The following ATP7B variants were observed in gnomAD, a reference collection of about 807,000 sequenced individuals.
ATP7B encodes the protein ATPase copper transporting beta.
ATP7B carries 113 observed loss-of-function variants against 118.9 expected under a neutral mutation model. The ratio of observed to expected loss-of-function variants is 0.95; its 90% CI spans 0.82 to 1.11. The LOEUF is 1.11. Among genes scored for constraint, ATP7B ranks in the 50% most tolerant of loss-of-function variants. The pLI, the probability that ATP7B is intolerant of heterozygous loss-of-function variation, is 0.00. For synonymous variants in ATP7B, 777 were observed against 727.4 expected, an observed-to-expected ratio of 1.07 and a Z score of -1.10; for missense variants, 1,867 against 1,871.4, an observed-to-expected ratio of 1.00 and a Z score of 0.04.
intron 4 of ATP7B, chr13:51,966,843 A>T: frequency 6.2e-7 from 1 of 1,613,316 alleles, no homozygotes; most frequent in South Asian, 1.1e-5. Context: ...CTTTGCAAAA[A>T]ATGGGCGCAA....
chr13:51,953,170 T>C (rs577576773), intron 9 of ATP7B, among the ~76,000 whole-genome samples: 1 of 152,206 alleles, frequency 6.6e-6, no homozygotes, highest in Non-Finnish European at 1.5e-5. Flanking sequence ...TATTCTCTGC[T>C]TAATTTTAAA....
chr13:51,943,302 A>G (rs541383271), intron 14 of ATP7B, among the ~76,000 whole-genome samples: 5 of 152,236 alleles, frequency 3.3e-5, no homozygotes, highest in African/African-American at 1.2e-4. Flanking sequence ...AGACCACACA[A>G]CAAATAAAGG....
chr13:51,949,773 G>C lies in ATP7B; in HGVS notation c.2754C>G (p.Asp918Glu). 6.2e-7 allele frequency: 1 copy of C among 1,614,000 alleles called. No homozygotes were observed. Among genetic ancestry groups the C allele is most frequent in the South Asian group, 1.1e-5 (1 of 91,082 alleles). ...ATGGGACAAAATATCCACTAAACCG[G>C]TCAGCCAGCTGCTGAATGGGTGCCT... ...MSKAPIQQLA[D>E]RFSGYFVPFI... Residue 918 changes from aspartate to glutamate, a missense_variant, in exon 12 of 21, where the codon GAC becomes GAG. Transcript: ENST00000242839.
At chr13:51,961,765 T>C (rs1417286031) in intron 6 of ATP7B, 72 bp downstream of exon 6, 4 of 1,438,390 alleles carry the variant, frequency 2.8e-6, no homozygotes, top group African/African-American at 1.4e-5. Flanking sequence ...CAAGACCAGC[T>C]GGCAGAGTTG....
At chr13:52,001,655 T>C (rs1953497217) in intron 1 of ATP7B, among the ~76,000 whole-genome samples, 1 of 152,164 alleles carries the variant, frequency 6.6e-6, no homozygotes, top group Non-Finnish European at 1.5e-5. Context: ...ACACTCCCAA[T>C]TCCCTATCAT....
rs1007216467 is a variant in ATP7B at position 51,967,020 on chromosome 13, A to G, written c.1707+1424T>C. On this transcript the variant is annotated intron_variant, in intron 4 of 20. Transcript: ENST00000242839. ...CTGTCTGCAACTTTACAGATGGTGC[A>G]TTGGTTCAGCATCAGGAGTGGGATG... 3.7e-6 allele frequency: 6 copies of G among 1,612,302 alleles called. No homozygotes were observed. In the African/African-American group the frequency reaches 8.0e-5, roughly 22 times the overall value.
intron 1 of ATP7B, among the ~76,000 whole-genome samples, chr13:51,994,162 A>G (rs1953077260): frequency 1.3e-5 from 2 of 152,264 alleles, no homozygotes; most frequent in African/African-American, 4.8e-5. Context: ...CCGGCAACAT[A>G]TGAAAAGGCT....
At chr13:51,949,538 A>C in intron 12 of ATP7B, 124 bp downstream of exon 12, 1 of 1,417,992 alleles carries the variant, frequency 7.1e-7, no homozygotes, top group Non-Finnish European at 9.8e-7. Context: ...TCAATAAGAG[A>C]AGCAAGCAAA....
chr13:51,979,974 T>G (rs1292249336), intron 1 of ATP7B, among the ~76,000 whole-genome samples: 1 of 152,212 alleles, frequency 6.6e-6, no homozygotes, highest in Non-Finnish European at 1.5e-5. Context: ...CACTAAAGTA[T>G]CTGTTGGTCT....
chr13:51,963,393 C>T (rs1374639284), intron 5 of ATP7B, among the ~76,000 whole-genome samples: 5 of 152,144 alleles, frequency 3.3e-5, no homozygotes, highest in Admixed American at 2.6e-4. Context: ...TGTCTGCCTC[C>T]AAGGGTGGGG....
Position 51,960,211 on chromosome 13 carries a change from G to A in ATP7B, c.2058C>T (p.His686=). Residue 686 remains histidine, a synonymous_variant, in exon 7 of 21, where the codon CAC becomes CAT. Transcript: ENST00000242839. ...GAATGGACAGTCCTGGAATGATGTT[G>A]TGGTCCAGGACCATGGACTGGTGGG... ...NEPHQSMVLD[H]NIIPGLSILN... 1 of 1,613,926 alleles carries A rather than the reference G, an allele frequency of 6.2e-7. No individual in the cohort carries two copies. Among genetic ancestry groups the A allele is most frequent in the Non-Finnish European group, 8.5e-7 (1 of 1,179,786 alleles).
chr13:51,973,578 A>G (rs1472577611), intron 2 of ATP7B, among the ~76,000 whole-genome samples: 3 of 152,228 alleles, frequency 2.0e-5, no homozygotes. Context: ...GTGGCACCGG[A>G]GTCCCCACTG....
rs572122562 is a variant in ATP7B, at chr13:51,968,535, G to A, written c.1616C>T (p.Pro539Leu). ...CTGGATGAACTGAGCTATCTCGAGG[G>A]GCTGGATGACCTCTGGGTCATACTT... ...EIKYDPEVIQ[P>L]LEIAQFIQDL... The change falls in exon 4 of 21, where the codon CCC becomes CTC. Residue 539 changes from proline (P) to leucine (L), a missense_variant. Coordinates refer to ENST00000242839, the MANE Select transcript of ATP7B (RefSeq NM_000053.4). The A allele has an allele frequency of 6.2e-7, 1 of 1,614,152 alleles. No homozygotes were observed. Among genetic ancestry groups the A allele is most frequent in the South Asian group, 1.1e-5 (1 of 91,084 alleles).
intron 3 of ATP7B, among the ~76,000 whole-genome samples, chr13:51,968,935 A>C (rs1951707885): frequency 6.9e-6 from 1 of 145,330 alleles, no homozygotes; most frequent in African/African-American, 2.6e-5. Context: ...ATCTCGGCTC[A>C]CTGCAACCTC....
Position 51,932,866 on chromosome 13 carries a change from G to A in ATP7B, c.*1890C>T, listed in dbSNP as rs547156128. ...AAAGTTTTAAAAATCAACAGAATTAGATTCTTTAGATAATGATCAGCCTAG... is the reference window on the plus strand; with the variant it reads ...AAAGTTTTAAAAATCAACAGAATTAAATTCTTTAGATAATGATCAGCCTAG... On this transcript the variant is annotated 3_prime_UTR_variant, in exon 21 of 21. Transcript: ENST00000242839. 1 of 152,204 alleles carries A rather than the reference G, an allele frequency of 6.6e-6. No homozygotes were observed. The highest frequency in any genetic ancestry group is 2.1e-4 in the South Asian group (1 of 4,820). The allele number at this position is 152,204 out of a possible 1,614,324, so 9.4% of individuals were successfully genotyped here. A position where few individuals can be genotyped will look rare whatever the true frequency, so the allele number is the denominator to read the frequency against.
intron 15 of ATP7B, among the ~76,000 whole-genome samples, chr13:51,942,173 T>C (rs774190406): frequency 1.3e-5 from 2 of 152,190 alleles, no homozygotes; most frequent in African/African-American, 4.8e-5. Flanking sequence ...AGCTAAACAA[T>C]GCTCTATGAA....
intron 1 of ATP7B, among the ~76,000 whole-genome samples, chr13:51,979,346 CT>C (rs750111407): frequency 5.3e-5 from 8 of 152,178 alleles, no homozygotes; most frequent in Non-Finnish European, 1.0e-4. Context: ...TGGATTATCT[CT>C]GGGACAGTGC....
intron 9 of ATP7B, among the ~76,000 whole-genome samples, chr13:51,952,816 C>G (rs1161075198): frequency 6.6e-6 from 1 of 152,204 alleles, no homozygotes; most frequent in South Asian, 2.1e-4. Flanking sequence ...GGCACCTGTA[C>G]ACAGTAAGTG....
Position 51,934,760 on chromosome 13 carries a change from A to ATG in ATP7B, c.4392_4393dup (p.Ile1465ThrfsTer21), listed in dbSNP as rs1231994351. The ATG allele has an allele frequency of 1.2e-6, 2 of 1,613,516 alleles. No individual in the cohort carries two copies. The highest frequency in any genetic ancestry group is 1.7e-6 in the Non-Finnish European group (2 of 1,180,038). The stretch of plus-strand genomic sequence containing the variant: ...CGGCCCGCCTGCCTGAAGTCATCAG[A>ATG]TGTACTGCTCCTCATCCCTGCCATT... On this transcript the variant is annotated frameshift_variant, in exon 21 of 21. Coordinates refer to ENST00000242839, the MANE Select transcript of ATP7B (RefSeq NM_000053.4). LOFTEE classifies it high-confidence loss of function.
Sources: gnomAD v4.1 joint callset for allele counts (sites outside exome capture counted in the v4.1 genomes callset) on GRCh38, gnomAD v4.1.1 for gene constraint, MANE v1.5 for transcripts, NCBI Gene and HGNC (gene_info 2026-07-23, HGNC 2026-07-21) for gene names.